The following SLC1A1 variants were observed in gnomAD, a reference collection of about 807,000 sequenced individuals.
SLC1A1 encodes solute carrier family 1 member 1.
A neutral mutation model predicts 53.3 loss-of-function variants in SLC1A1; 43 were observed. That is an observed-to-expected ratio of 0.81 (90% CI 0.63 to 1.04). The LOEUF is 1.04. Ranked by LOEUF, SLC1A1 falls within the 50% of genes least tolerant of loss-of-function variation. The pLI is 0.00. For synonymous variants in SLC1A1, 307 were observed against 243.2 expected (o/e 1.26, Z -2.44); for missense variants, 748 against 664.9 (o/e 1.12, Z -1.37).
Position 4,517,166 on chromosome 9 carries a change from C to T in SLC1A1, c.91+26396C>T, listed in dbSNP as rs1821189183. 2.0e-5 allele frequency among the ~76,000 whole-genome samples: 3 copies of T among 152,286 alleles called. No individual in the cohort carries two copies. The South Asian group carries it at 6.2e-4, about 32-fold the overall frequency. On this transcript the variant is annotated intron_variant, in intron 1 of 11. Transcript: ENST00000262352. ...ACGTTAATTTCTTCTTCCCCTGCCC[C>T]TCTGTCTTTAGGTGTTCTCTCCACT...
intron 1 of SLC1A1, among the ~76,000 whole-genome samples, chr9:4,497,022 C>T (rs72687835): frequency 0.018 from 2,683 of 152,104 alleles, 29 homozygotes; most frequent in African/African-American, 0.028. Flanking sequence ...GGCCAGAGAA[C>T]GGGACTTTAT....
chr9:4,580,594 A>T (rs78034877), intron 10 of SLC1A1, among the ~76,000 whole-genome samples: 13,609 of 82,768 alleles, frequency 0.16, 921 homozygotes, highest in Middle Eastern at 0.28. Flanking sequence ...AAAAAAAAAA[A>T]ATATATATGT....
At chr9:4,574,957 G>A (rs1430881503) in intron 8 of SLC1A1, among the ~76,000 whole-genome samples, 1 of 152,142 alleles carries the variant, frequency 6.6e-6, no homozygotes, top group Non-Finnish European at 1.5e-5. Context: ...AAGGGAGGTG[G>A]GACCTCCAAT....
chr9:4,497,598 A>G lies in SLC1A1; in HGVS notation c.91+6828A>G, dbSNP rs558576249. On this transcript the variant is annotated intron_variant, in intron 1 of 11. Coordinates refer to ENST00000262352, the MANE Select transcript of SLC1A1 (RefSeq NM_004170.6). The stretch of plus-strand genomic sequence containing the variant: ...GCTTAAATCAAACTCTATTACCTCC[A>G]TAAATTCTCCTCTGCCTGTTTCAGC... 5.3e-4 allele frequency among the ~76,000 whole-genome samples: 80 copies of G among 152,332 alleles called. 1 individual carries two copies. The highest frequency in any genetic ancestry group is 2.8e-4 in the Non-Finnish European group (19 of 68,018).
intron 1 of SLC1A1, among the ~76,000 whole-genome samples, chr9:4,537,986 C>G (rs1247090974): frequency 6.6e-6 from 1 of 152,096 alleles, no homozygotes; most frequent in Non-Finnish European, 1.5e-5. Context: ...TGAGATATTT[C>G]AGCAGAATAC....
intron 1 of SLC1A1, among the ~76,000 whole-genome samples, chr9:4,528,187 G>A (rs1341195954): frequency 1.3e-5 from 2 of 152,114 alleles, no homozygotes; most frequent in Admixed American, 6.5e-5. Context: ...GCAGGAACAA[G>A]ACACAAAACT....
intron 5 of SLC1A1, among the ~76,000 whole-genome samples, 164 bp from the exon 6 acceptor site, chr9:4,567,505 C>A (rs1443747191): frequency 6.6e-6 from 1 of 152,148 alleles, no homozygotes; most frequent in East Asian, 1.9e-4. Context: ...GTTCCAAAAC[C>A]TGATGGGAGG....
intron 2 of SLC1A1, among the ~76,000 whole-genome samples, chr9:4,559,040 T>G (rs544291456): frequency 5.6e-4 from 85 of 152,358 alleles, no homozygotes; most frequent in Middle Eastern, 3.4e-3. Context: ...ATATTTGTAT[T>G]ATGATTTGCT....
intron 10 of SLC1A1, among the ~76,000 whole-genome samples, chr9:4,582,226 G>A (rs563365806): frequency 6.6e-6 from 1 of 152,296 alleles, no homozygotes; most frequent in South Asian, 2.1e-4. Context: ...AATCCCTACT[G>A]CCTCAGCTGA....
intron 2 of SLC1A1, chr9:4,560,080 C>T (rs1175825450): frequency 1.3e-5 from 2 of 152,238 alleles, no homozygotes; most frequent in African/African-American, 2.4e-5. Context: ...ACAATATGAT[C>T]GTAAGTCTCT....
intron 2 of SLC1A1, among the ~76,000 whole-genome samples, chr9:4,555,219 C>T (rs1295337391): frequency 6.6e-6 from 1 of 152,212 alleles, no homozygotes; most frequent in Non-Finnish European, 1.5e-5. Context: ...CGAGTTTTAA[C>T]TCCTATGCAA....
chr9:4,528,096 G>A lies in SLC1A1; in HGVS notation c.92-16471G>A, dbSNP rs1012751873. Among the ~76,000 whole-genome samples, 3 of 152,114 alleles carry A rather than the reference G, an allele frequency of 2.0e-5. 1 individual carries two copies. Among genetic ancestry groups the A allele is most frequent in the Non-Finnish European group, 1.5e-5 (1 of 68,042 alleles). ...GCTTCTGTTATGCCAGGGATATTAG[G>A]AGCATGGACACTTTGATGCATACCA... On this transcript the variant is annotated intron_variant, in intron 1 of 11. Transcript: ENST00000262352.
intron 1 of SLC1A1, among the ~76,000 whole-genome samples, chr9:4,536,578 CTT>C (rs1564015172): frequency 6.6e-6 from 1 of 152,156 alleles, no homozygotes; most frequent in African/African-American, 2.4e-5. Flanking sequence ...AACAGGAACA[CTT>C]TTACACTGTT....
chr9:4,512,236 G>T (rs1421046569), intron 1 of SLC1A1, among the ~76,000 whole-genome samples: 1 of 152,150 alleles, frequency 6.6e-6, no homozygotes, highest in Admixed American at 6.5e-5. Context: ...ATGGAGGCAG[G>T]GTGCGGTGGC....
Position 4,567,690 on chromosome 9 carries a change from G to A in SLC1A1, c.505G>A (p.Val169Met). The change falls in exon 6 of 12, where the codon GTG (valine) becomes ATG (methionine). Residue 169 changes from valine (V) to methionine (M), a missense_variant. Transcript: ENST00000262352. The stretch of plus-strand genomic sequence containing the variant: ...GCAGTACAAAACTAAGCGTGAAGAA[G>A]TGAAGCCTCCCAGCGATCCAGAGAT... ...FQQYKTKREE[V>M]KPPSDPEMNM... The A allele has an allele frequency of 6.2e-7, 1 of 1,612,852 alleles. No homozygotes were observed. Among genetic ancestry groups the A allele is most frequent in the Non-Finnish European group, 8.5e-7 (1 of 1,178,972 alleles).
chr9:4,577,856 G>C (rs1382420287), intron 10 of SLC1A1, among the ~76,000 whole-genome samples: 1 of 152,184 alleles, frequency 6.6e-6, no homozygotes, highest in East Asian at 1.9e-4. Context: ...AACCAGTTAG[G>C]AGACCACTGC....
At chr9:4,511,227 T>C (rs1304788807) in intron 1 of SLC1A1, among the ~76,000 whole-genome samples, 4 of 152,202 alleles carry the variant, frequency 2.6e-5, no homozygotes, top group African/African-American at 9.6e-5. Flanking sequence ...CATTTATTTC[T>C]TATAGTTCTG....
intron 1 of SLC1A1, among the ~76,000 whole-genome samples, chr9:4,498,952 ACATATATATTATATATGTATATATAAT>A (rs1422340911): frequency 3.4e-5 from 5 of 146,248 alleles, no homozygotes; most frequent in Non-Finnish European, 3.0e-5. Context: ...CATAATATAT[ACATATATATTATATATGTATATATAAT>A]CTTATATATT....
chr9:4,580,266 AAAAG>A (rs923175761), intron 10 of SLC1A1, among the ~76,000 whole-genome samples: 5 of 151,850 alleles, frequency 3.3e-5, no homozygotes, highest in African/African-American at 4.8e-5. Flanking sequence ...AGAGAAAAGA[AAAAG>A]AAAGAAAGAA....
Sources: gnomAD v4.1 joint callset for allele counts (sites outside exome capture counted in the v4.1 genomes callset) on GRCh38, gnomAD v4.1.1 for gene constraint, MANE v1.5 for transcripts, NCBI Gene and HGNC (gene_info 2026-07-23, HGNC 2026-07-21) for gene names.